DYNC1I1: variants seen among roughly 807,000 people sequenced by gnomAD.
DYNC1I1 encodes dynein cytoplasmic 1 intermediate chain 1, also known as cytoplasmic dynein 1 intermediate chain 1.
Under a neutral mutation model 86.6 loss-of-function variants are expected in DYNC1I1, and 43 were observed. That is an observed-to-expected ratio of 0.50 (90% CI 0.39 to 0.64). The LOEUF (loss-of-function observed/expected upper bound fraction) is 0.64. Among genes scored for constraint, DYNC1I1 ranks in the 30% least tolerant of loss-of-function variants. The pLI, the probability that DYNC1I1 is intolerant of heterozygous loss-of-function variation, is 0.00. For synonymous variants in DYNC1I1, 262 were observed against 283.7 expected (o/e 0.92, Z 0.77); for missense variants, 604 against 788.8 (o/e 0.77, Z 2.81).
intron 6 of DYNC1I1, among the ~76,000 whole-genome samples, chr7:95,973,273 A>C (rs1793220215): frequency 6.6e-6 from 1 of 152,198 alleles, no homozygotes; most frequent in African/African-American, 2.4e-5. Context: ...TTTGCTGAGC[A>C]AGGCAAACAT....
intron 6 of DYNC1I1, among the ~76,000 whole-genome samples, chr7:95,883,929 GT>G (rs1365575432): frequency 6.6e-6 from 1 of 151,884 alleles, no homozygotes; most frequent in Non-Finnish European, 1.5e-5. Flanking sequence ...AGAAGTTTAT[GT>G]TTTTTTAATG....
intron 10 of DYNC1I1, among the ~76,000 whole-genome samples, chr7:96,006,958 G>T (rs142148541): frequency 0.015 from 2,313 of 152,124 alleles, 78 homozygotes; most frequent in African/African-American, 0.052. Context: ...ATTACACATT[G>T]TGTACATGTA....
intron 14 of DYNC1I1, among the ~76,000 whole-genome samples, chr7:96,072,552 G>T (rs981121912): frequency 5.3e-5 from 8 of 151,984 alleles, no homozygotes; most frequent in Admixed American, 1.3e-4. Context: ...AAATCATGAA[G>T]CTTCTGTGGC....
At chr7:95,903,441 G>T (rs763669759) in intron 6 of DYNC1I1, among the ~76,000 whole-genome samples, 13 of 152,154 alleles carry the variant, frequency 8.5e-5, no homozygotes, top group South Asian at 2.1e-4. Flanking sequence ...GTTCTAGCTG[G>T]ACAGTAATCC....
chr7:95,826,103 G>A (rs981655936), intron 4 of DYNC1I1, among the ~76,000 whole-genome samples: 4 of 152,122 alleles, frequency 2.6e-5, no homozygotes, highest in African/African-American at 9.7e-5. Context: ...GCAGAGTCTC[G>A]GGCCACCCGC....
At chr7:95,933,530 C>T (rs568415048) in intron 6 of DYNC1I1, among the ~76,000 whole-genome samples, 81 of 152,258 alleles carry the variant, frequency 5.3e-4, no homozygotes, top group African/African-American at 1.8e-3. Flanking sequence ...TTGATGCTCA[C>T]GTGAATTGAC....
intron 2 of DYNC1I1, among the ~76,000 whole-genome samples, chr7:95,809,129 CAGAT>C (rs1562901774): frequency 6.6e-6 from 1 of 152,212 alleles, no homozygotes; most frequent in African/African-American, 2.4e-5. Context: ...CCTCTAATGA[CAGAT>C]AGACTTCAAA....
At chr7:95,796,925 A>G (rs1794452044) in intron 1 of DYNC1I1, among the ~76,000 whole-genome samples, 1 of 152,126 alleles carries the variant, frequency 6.6e-6, no homozygotes, top group African/African-American at 2.4e-5. Context: ...TAAAGCAATC[A>G]TGGGTAAAAC....
At chr7:95,869,487 T>G (rs1790103964) in intron 5 of DYNC1I1, among the ~76,000 whole-genome samples, 1 of 152,182 alleles carries the variant, frequency 6.6e-6, no homozygotes, top group Non-Finnish European at 1.5e-5. Context: ...CTTTTTTTTT[T>G]TCAAATTTAA....
At chr7:96,039,152 G>C (rs1262988929) in intron 13 of DYNC1I1, 125 bp from the exon 14 acceptor site, 1 of 980,086 alleles carries the variant, frequency 1.0e-6, no homozygotes. Context: ...TTTCATTTTG[G>C]TGGTGTGTGG....
At position 95,987,087 on chromosome 7, in the gene DYNC1I1, A is replaced by C. The variant is rs1466178962; in HGVS notation, c.775A>C (p.Asn259His). The change falls in exon 9 of 17, where the codon AAT becomes CAT. Residue 259 changes from asparagine to histidine, a missense_variant. Transcript: ENST00000447467. ...DVQAGANLSFNRQFYDEHWSK... is the reference protein window; with the variant it reads ...DVQAGANLSFHRQFYDEHWSK... ...TCAGGCTGGAGCCAATCTTTCTTTCAATCGTCAGTTCTATGATGAACATTG... is the reference window on the plus strand; with the variant it reads ...TCAGGCTGGAGCCAATCTTTCTTTCCATCGTCAGTTCTATGATGAACATTG... 6.2e-7 allele frequency: 1 copy of C among 1,613,872 alleles called. No individual in the cohort carries two copies. The highest frequency in any genetic ancestry group is 1.7e-5 in the Admixed American group (1 of 60,018).
intron 14 of DYNC1I1, among the ~76,000 whole-genome samples, chr7:96,049,435 C>T (rs1293943967): frequency 2.0e-5 from 3 of 151,846 alleles, no homozygotes; most frequent in Non-Finnish European, 4.4e-5. Context: ...GGAAGTGTAG[C>T]GGAGACAAAG....
chr7:95,996,104 A>G (rs773430143), intron 10 of DYNC1I1, 31 bp downstream of exon 10: 3 of 1,613,516 alleles, frequency 1.9e-6, no homozygotes, highest in African/African-American at 2.7e-5. Flanking sequence ...AATAACTTAC[A>G]TCTCCTGCTA....
downstream of DYNC1I1, chr7:96,110,162 T>A (rs141092152): frequency 6.4e-5 from 25 of 387,706 alleles, no homozygotes; most frequent in African/African-American, 4.1e-4. Flanking sequence ...ATCTTTTAGT[T>A]CTTTCAGTTC....
chr7:95,909,891 C>T (rs1468825280), intron 6 of DYNC1I1, among the ~76,000 whole-genome samples: 4 of 152,056 alleles, frequency 2.6e-5, no homozygotes, highest in African/African-American at 9.7e-5. Flanking sequence ...GACTGAGCCT[C>T]GTTCTCCATC....
At chr7:95,897,480 A>G (rs1231517683) in intron 6 of DYNC1I1, among the ~76,000 whole-genome samples, 3 of 151,474 alleles carry the variant, frequency 2.0e-5, no homozygotes, top group Non-Finnish European at 2.9e-5. Flanking sequence ...CTGTGGATCT[A>G]GATTAAAAGT....
At chr7:95,815,395 C>A (rs1229480915) in intron 4 of DYNC1I1, among the ~76,000 whole-genome samples, 1 of 152,072 alleles carries the variant, frequency 6.6e-6, no homozygotes, top group Non-Finnish European at 1.5e-5. Context: ...CATAGAAATG[C>A]AAGAAAATTT....
At position 95,838,690 on chromosome 7, in the gene DYNC1I1, C is replaced by A. The variant is rs191181161; in HGVS notation, c.374+10574C>A. ...ATGAACATACAATGTCTTTTCATTT[C>A]TTTGTCTTCAATTTTTTTTCATAAA... On this transcript the variant is annotated intron_variant, in intron 5 of 16. Coordinates refer to ENST00000447467, the MANE Select transcript of DYNC1I1 (RefSeq NM_001135556.2). Among the ~76,000 whole-genome samples, 43 of 151,842 alleles carry A rather than the reference C, an allele frequency of 2.8e-4. 1 individual carries two copies. The highest frequency in any genetic ancestry group is 7.2e-4 in the African/African-American group (30 of 41,394).
intron 1 of DYNC1I1, among the ~76,000 whole-genome samples, chr7:95,803,626 T>C (rs1794634701): frequency 6.6e-6 from 1 of 152,248 alleles, no homozygotes. Context: ...CATTGTTCTG[T>C]ATTCTTTGGT....
Sources: allele counts gnomAD v4.1 joint callset (sites outside exome capture counted in the v4.1 genomes callset), GRCh38; gene constraint gnomAD v4.1.1; transcripts MANE v1.5; gene names NCBI Gene and HGNC (gene_info 2026-07-23, HGNC 2026-07-21).